The following DAB1 variants were observed in gnomAD, a reference collection of about 807,000 sequenced individuals.
DAB1 encodes the protein disabled homolog 1.
A neutral mutation model predicts 64.6 loss-of-function variants in DAB1; 15 were observed. That is an observed-to-expected ratio of 0.23 (90% CI 0.16 to 0.36). The LOEUF (loss-of-function observed/expected upper bound fraction) is 0.36, where lower values mean the gene tolerates loss of function less well. DAB1 is among the 10% of genes least tolerant of loss of function. The pLI is 1.00. For synonymous variants in DAB1, 235 were observed against 251.9 expected, an observed-to-expected ratio of 0.93 and a Z score of 0.64; for missense variants, 596 against 706.7, an observed-to-expected ratio of 0.84 and a Z score of 1.78.
At chr1:57,321,741 T>C (rs1032608930) in intron 1 of DAB1, among the ~76,000 whole-genome samples, 16 of 152,160 alleles carry the variant, frequency 1.1e-4, no homozygotes, top group Non-Finnish European at 1.6e-4. Flanking sequence ...TGTAAAAGGA[T>C]GAAAGATGAT....
At position 57,238,860 on chromosome 1, in the gene DAB1, T is replaced by TACACACACAC. The variant is rs1281270538; in HGVS notation, c.67+52094_67+52103dup. On this transcript the variant is annotated intron_variant, in intron 2 of 14. Coordinates refer to ENST00000371236, the MANE Select transcript of DAB1 (RefSeq NM_001365792.1). ...ACATGCGCACACACACACACACACATACACACACACACACACACACACACA... is the reference window on the plus strand; with the variant it reads ...ACATGCGCACACACACACACACACATACACACACACACACACACACACACACACACACACA... Among the ~76,000 whole-genome samples the TACACACACAC allele has an allele frequency of 3.5e-3, 464 of 134,022 alleles. 2 individuals are homozygous for TACACACACAC. Among genetic ancestry groups the TACACACACAC allele is most frequent in the South Asian group, 0.012 (47 of 3,812 alleles). The allele number at this position is 134,022 out of a possible 152,430, so 87.9% of individuals were successfully genotyped here.
At chr1:57,939,947 A>C (rs1400860700) in intron 5 of DAB1, among the ~76,000 whole-genome samples, 1 of 152,354 alleles carries the variant, frequency 6.6e-6, no homozygotes, top group Non-Finnish European at 1.5e-5. Flanking sequence ...CAGCTTCCCA[A>C]AAAATTTTAA....
intron 4 of DAB1, among the ~76,000 whole-genome samples, chr1:58,329,243 A>C (rs1241067185): frequency 3.3e-5 from 5 of 152,210 alleles, no homozygotes. Flanking sequence ...GTATTCTTCC[A>C]GGCTTTTTTC....
chr1:58,194,521 G>C (rs972538485), intron 4 of DAB1, among the ~76,000 whole-genome samples: 2 of 152,126 alleles, frequency 1.3e-5, no homozygotes, highest in African/African-American at 2.4e-5. Flanking sequence ...AACACTTCTG[G>C]AAAGATTAAT....
intron 1 of DAB1, among the ~76,000 whole-genome samples, chr1:57,296,059 T>C (rs1673170610): frequency 6.6e-6 from 1 of 152,142 alleles, no homozygotes; most frequent in African/African-American, 2.4e-5. Flanking sequence ...TGAGGTCTTT[T>C]TAGCAGGCTT....
rs188313877 is a variant in DAB1, at chr1:57,936,368, G to A, written n.388-52206C>T. On this transcript the variant is annotated intron_variant and non_coding_transcript_variant, in intron 5 of 20. Coordinates refer to the DAB1 transcript ENST00000485760. ...CAACCCGTCTTCCTGGTCCTCTTCT[G>A]CCTCTTCATTGGATTGTAATCCATA... Among the ~76,000 whole-genome samples, 584 of 152,240 alleles carry A rather than the reference G, an allele frequency of 3.8e-3. 6 individuals are homozygous for A. Among genetic ancestry groups the A allele is most frequent in the Non-Finnish European group, 3.5e-3 (239 of 68,014 alleles).
rs1234909113 is a variant in DAB1 at position 58,025,799 on chromosome 1, G to T, written n.387+124712C>A. Among the ~76,000 whole-genome samples the T allele has an allele frequency of 2.0e-5, 3 of 151,120 alleles. No individual in the cohort carries two copies. In the East Asian group the frequency reaches 5.9e-4, roughly 29 times the overall value. ...TATCAATAAAATCCAATTTCCTTAA[G>T]ATAGCATCCAAGTCCCTCTAAACTA... On this transcript the variant is annotated intron_variant and non_coding_transcript_variant, in intron 5 of 20. Coordinates refer to the DAB1 transcript ENST00000485760.
intron 4 of DAB1, among the ~76,000 whole-genome samples, chr1:58,279,608 G>A (rs1212093637): frequency 2.6e-5 from 4 of 152,194 alleles, no homozygotes; most frequent in African/African-American, 4.8e-5. Flanking sequence ...GCAACTCTGA[G>A]ATTTGAGCCG....
intron 1 of DAB1, among the ~76,000 whole-genome samples, chr1:57,316,273 A>C (rs1373087418): frequency 6.6e-6 from 1 of 152,240 alleles, no homozygotes; most frequent in Non-Finnish European, 1.5e-5. Flanking sequence ...GCACTTCCTA[A>C]GTCAGTGGAT....
chr1:58,530,778 T>C lies in DAB1; in HGVS notation n.33-3443A>G, dbSNP rs561929785. The C allele has an allele frequency of 1.0e-3, 854 of 838,852 alleles. 15 individuals carry two copies. The South Asian group carries it at 0.011, about 11-fold the overall frequency. The allele number at this position is 838,852 out of a possible 1,614,324, so 52.0% of individuals were successfully genotyped here. On this transcript the variant is annotated intron_variant and non_coding_transcript_variant, in intron 1 of 20. Transcript: ENST00000485760. ...AACTACATTTTATACATTGAGACAG[T>C]ATATGCTTACATTTTCTAGTTCATC...
chr1:57,865,324 T>A (rs1187684230), intron 1 of DAB1, among the ~76,000 whole-genome samples: 1 of 152,154 alleles, frequency 6.6e-6, no homozygotes, highest in Non-Finnish European at 1.5e-5. Flanking sequence ...TAGGGACAAC[T>A]GCACTTTATA....
chr1:57,136,710 T>C lies in DAB1; in HGVS notation c.208-69A>G, dbSNP rs563921. ...TGAAAATTCTCTCTGGTCCCAAAGGTATGTCCGATACCATCAACCAATGCC... is the reference window on the plus strand; with the variant it reads ...TGAAAATTCTCTCTGGTCCCAAAGGCATGTCCGATACCATCAACCAATGCC... On this transcript the variant is annotated intron_variant, in intron 3 of 14. Transcript: ENST00000371236. 0.22 allele frequency: 224,518 copies of C among 1,021,980 alleles called. 35,333 individuals are homozygous for C. Among genetic ancestry groups the C allele is most frequent in the African/African-American group, 0.76 (47,449 of 62,318 alleles). The allele number at this position is 1,021,980 out of a possible 1,614,324, so 63.3% of individuals were successfully genotyped here. A position where few individuals can be genotyped will look rare whatever the true frequency, so the allele number is the denominator to read the frequency against.
intron 5 of DAB1, among the ~76,000 whole-genome samples, chr1:58,082,064 A>G (rs910713109): frequency 6.6e-6 from 1 of 152,216 alleles, no homozygotes; most frequent in African/African-American, 2.4e-5. Context: ...AGAAAGTAAG[A>G]GAAGCCCAGA....
At chr1:58,355,532 C>T (rs761126965) in intron 3 of DAB1, among the ~76,000 whole-genome samples, 2 of 152,026 alleles carry the variant, frequency 1.3e-5, no homozygotes, top group African/African-American at 2.4e-5. Flanking sequence ...GTCACTTTCA[C>T]GAATAAAAAT....
At chr1:57,175,905 T>C (rs1662264973) in intron 2 of DAB1, among the ~76,000 whole-genome samples, 1 of 152,202 alleles carries the variant, frequency 6.6e-6, no homozygotes, top group African/African-American at 2.4e-5. Context: ...TTTTCCCGTT[T>C]GATTTTTTCT....
At chr1:57,239,270 A>G (rs1668331886) in intron 2 of DAB1, among the ~76,000 whole-genome samples, 1 of 152,196 alleles carries the variant, frequency 6.6e-6, no homozygotes, top group Admixed American at 6.5e-5. Context: ...ACCATTTGCC[A>G]CAGTCATCTT....
chr1:58,062,034 T>A (rs1648533906), intron 5 of DAB1, among the ~76,000 whole-genome samples: 1 of 152,168 alleles, frequency 6.6e-6, no homozygotes, highest in Non-Finnish European at 1.5e-5. Flanking sequence ...CAAAAAATCA[T>A]TTTGCTGATT....
At chr1:58,450,534 C>T (rs1313710469) in intron 3 of DAB1, among the ~76,000 whole-genome samples, 2 of 152,170 alleles carry the variant, frequency 1.3e-5, no homozygotes, top group African/African-American at 4.8e-5. Context: ...GCGGGCGGAT[C>T]ACAAGGTCAG....
chr1:58,379,857 A>G (rs537650711), intron 3 of DAB1, among the ~76,000 whole-genome samples: 2 of 152,280 alleles, frequency 1.3e-5, no homozygotes, highest in East Asian at 3.9e-4. Flanking sequence ...TTTTCTCCCC[A>G]TCTTCTTTTT....
Sources: gnomAD v4.1 joint callset for allele counts (sites outside exome capture counted in the v4.1 genomes callset) on GRCh38, gnomAD v4.1.1 for gene constraint, MANE v1.5 for transcripts, NCBI Gene and HGNC (gene_info 2026-07-23, HGNC 2026-07-21) for gene names.